The following PCDHA6 variants were observed in gnomAD, a reference collection of about 807,000 sequenced individuals.
The protein encoded by PCDHA6 is protocadherin alpha 6, also known as protocadherin alpha-6.
A neutral mutation model predicts 60.3 loss-of-function variants in PCDHA6; 55 were observed. The observed-to-expected ratio is 0.91, with a 90% CI of 0.73 to 1.14. The LOEUF (loss-of-function observed/expected upper bound fraction) is 1.14, where lower values mean the gene tolerates loss of function less well. Ranked by LOEUF, PCDHA6 falls within the 50% of genes most tolerant of loss-of-function variation. The pLI, the probability that PCDHA6 is intolerant of heterozygous loss-of-function variation, is 0.00. For synonymous variants in PCDHA6, 652 were observed against 557.9 expected (o/e 1.17, Z -2.38); for missense variants, 1,327 against 1,256.5 (o/e 1.06, Z -0.85).
At chr5:140,968,749 G>A in intron 1 of PCDHA6, 1 of 1,614,150 alleles carries the variant, frequency 6.2e-7, no homozygotes, top group Non-Finnish European at 8.5e-7. Context: ...TGACCGTGGT[G>A]GTCCGAGATA....
chr5:140,940,450 A>G (rs1279490375), intron 1 of PCDHA6, among the ~76,000 whole-genome samples: 1 of 151,884 alleles, frequency 6.6e-6, no homozygotes, highest in Non-Finnish European at 1.5e-5. Flanking sequence ...GATATTTTTT[A>G]TAGGTTTCTG....
intron 3 of PCDHA6, among the ~76,000 whole-genome samples, chr5:141,001,849 T>G (rs889682000): frequency 6.6e-6 from 1 of 151,820 alleles, no homozygotes; most frequent in Non-Finnish European, 1.5e-5. Context: ...GAGAGAGAGG[T>G]TGATTAAATT....
At position 140,894,082 on chromosome 5, in the gene PCDHA6, A is replaced by C. The variant is rs2064311424; in HGVS notation, c.2394+63597A>C. On this transcript the variant is annotated intron_variant, in intron 1 of 3. Transcript: ENST00000529310. ...TTTTTAAATACATTTATTTTATTCC[A>C]GTATCTTCTAGCTCCTGGTGTTGCA... 3.3e-5 allele frequency among the ~76,000 whole-genome samples: 5 copies of C among 152,174 alleles called. No homozygotes were observed. In the South Asian group the frequency reaches 8.3e-4, roughly 25 times the overall value.
chr5:140,876,924 G>A, intron 1 of PCDHA6: 4 of 1,613,824 alleles, frequency 2.5e-6, no homozygotes, highest in Non-Finnish European at 3.4e-6. Flanking sequence ...ACGCGGACGC[G>A]CAGAAGAACG....
intron 1 of PCDHA6, chr5:140,836,028 G>A: frequency 6.2e-7 from 1 of 1,613,510 alleles, no homozygotes; most frequent in Non-Finnish European, 8.5e-7. Context: ...GGGCAGCAAC[G>A]TGACGCTGCA....
At chr5:140,930,712 A>T (rs1584689351) in intron 1 of PCDHA6, among the ~76,000 whole-genome samples, 1 of 152,234 alleles carries the variant, frequency 6.6e-6, no homozygotes, top group Non-Finnish European at 1.5e-5. Flanking sequence ...ATTCTTCCTC[A>T]AGTAATGATG....
At chr5:140,892,324 C>T (rs1158961031) in intron 1 of PCDHA6, among the ~76,000 whole-genome samples, 3 of 152,308 alleles carry the variant, frequency 2.0e-5, no homozygotes, top group Non-Finnish European at 4.4e-5. Context: ...CATTTTCTTT[C>T]TCCAGAATGG....
At position 140,953,768 on chromosome 5, in the gene PCDHA6, A is replaced by G. The variant is rs146090592; in HGVS notation, c.2395-25181A>G. Among the ~76,000 whole-genome samples, 15 of 152,248 alleles carry G rather than the reference A, an allele frequency of 9.9e-5. No homozygotes were observed. In the East Asian group the frequency reaches 2.7e-3, roughly 27 times the overall value. The stretch of plus-strand genomic sequence containing the variant: ...TACATTTATCCAAGAATTAAATTTA[A>G]TATTTATTTATTTTTTTCTTCAACT... On this transcript the variant is annotated intron_variant, in intron 1 of 3. Coordinates refer to ENST00000529310, the MANE Select transcript of PCDHA6 (RefSeq NM_018909.4).
intron 1 of PCDHA6, chr5:140,877,005 C>A (rs1433546348): frequency 6.2e-7 from 1 of 1,612,356 alleles, no homozygotes; most frequent in African/African-American, 1.3e-5. Flanking sequence ...TGTCGGTGCA[C>A]GCGGAGAGCG....
chr5:140,882,449 C>T (rs782741434), intron 1 of PCDHA6: 1 of 1,614,022 alleles, frequency 6.2e-7, no homozygotes, highest in Admixed American at 1.7e-5. Context: ...GGAGCTGGTG[C>T]CGCGCCTGTT....
intron 1 of PCDHA6, chr5:140,850,158 G>C: frequency 6.3e-7 from 1 of 1,595,230 alleles, no homozygotes; most frequent in Non-Finnish European, 8.6e-7. Flanking sequence ...GCAGGTGTTC[G>C]TGCTGGACGA....
chr5:140,941,403 G>A lies in PCDHA6; in HGVS notation c.2395-37546G>A, dbSNP rs527986544. Among the ~76,000 whole-genome samples, 769 of 142,382 alleles carry A rather than the reference G, an allele frequency of 5.4e-3. 3 individuals carry two copies. The highest frequency in any genetic ancestry group is 0.019 in the African/African-American group (737 of 38,338). The allele number at this position is 142,382 out of a possible 152,430, so 93.4% of individuals were successfully genotyped here. On this transcript the variant is annotated intron_variant, in intron 1 of 3. Coordinates refer to ENST00000529310, the MANE Select transcript of PCDHA6 (RefSeq NM_018909.4). ...AGGATTTTGGCTCACTGCAACCTCC[G>A]CCTCCCGGGTTCAAGCAATTCTCTG...
chr5:140,977,514 A>G (rs1554238605), intron 1 of PCDHA6, among the ~76,000 whole-genome samples: 13 of 152,216 alleles, frequency 8.5e-5, no homozygotes. Context: ...CATTTTGTGA[A>G]CTTGAAAACA....
chr5:140,870,493 AAGG>A, intron 1 of PCDHA6: 1 of 1,614,214 alleles, frequency 6.2e-7, no homozygotes, highest in Non-Finnish European at 8.5e-7. Context: ...CGTGTTCGTG[AAGG>A]AGAACAACCC....
Position 140,873,357 on chromosome 5 carries a change from G to T in PCDHA6, c.2394+42872G>T, listed in dbSNP as rs564914388. On this transcript the variant is annotated intron_variant, in intron 1 of 3. Coordinates refer to ENST00000529310, the MANE Select transcript of PCDHA6 (RefSeq NM_018909.4). ...TACTCATCTCCAGATGAAATTTTTG[G>T]AATAACTGAAGATCTTTTAAAGACT... Among the ~76,000 whole-genome samples the T allele has an allele frequency of 2.0e-5, 3 of 152,172 alleles. No individual in the cohort carries two copies. In the South Asian group the frequency reaches 6.2e-4, roughly 32 times the overall value.
chr5:140,836,796 CCTT>C (rs2150270187), intron 1 of PCDHA6: 1 of 1,377,882 alleles, frequency 7.3e-7, no homozygotes, highest in Non-Finnish European at 9.9e-7. Flanking sequence ...CAATTGGTCT[CCTT>C]AAATTTTCTT....
chr5:140,866,460 A>G (rs2049371963), intron 1 of PCDHA6: 1 of 152,148 alleles, frequency 6.6e-6, no homozygotes, highest in Non-Finnish European at 1.5e-5. Context: ...TTGGCTGGGA[A>G]GCTCATAACA....
At chr5:140,966,543 A>T (rs200134570) in intron 1 of PCDHA6, 4 of 461,074 alleles carry the variant, frequency 8.7e-6, no homozygotes, top group Non-Finnish European at 1.5e-5. Context: ...AGCGACTCGG[A>T]GGCGAGCGGA....
intron 1 of PCDHA6, among the ~76,000 whole-genome samples, chr5:140,937,563 G>T (rs986469529): frequency 2.0e-5 from 3 of 151,960 alleles, no homozygotes; most frequent in African/African-American, 7.3e-5. Flanking sequence ...GTTGCAGTGA[G>T]CTGGGATCGC....
Sources: gnomAD v4.1 joint callset for allele counts (sites outside exome capture counted in the v4.1 genomes callset) on GRCh38, gnomAD v4.1.1 for gene constraint, MANE v1.5 for transcripts, NCBI Gene and HGNC (gene_info 2026-07-23, HGNC 2026-07-21) for gene names.